Variants in EYA4 observed in about 807,000 individuals in gnomAD.
EYA4 encodes protein phosphatase EYA4.
In EYA4, 31 loss-of-function variants were observed where a neutral mutation model predicts 87.9. That is an observed-to-expected ratio of 0.35 (90% CI 0.27 to 0.48). The LOEUF (loss-of-function observed/expected upper bound fraction) is 0.48, where lower values mean the gene tolerates loss of function less well. Among genes scored for constraint, EYA4 ranks in the 20% least tolerant of loss-of-function variants. EYA4 has a pLI of 0.99. For synonymous variants in EYA4, 263 were observed against 270.6 expected (o/e 0.97, Z 0.28); for missense variants, 678 against 761.4 (o/e 0.89, Z 1.29).
intron 2 of EYA4, among the ~76,000 whole-genome samples, chr6:133,312,905 C>T (rs1780341292): frequency 1.3e-5 from 2 of 151,852 alleles, no homozygotes; most frequent in African/African-American, 2.4e-5. Context: ...CTTCCATTTC[C>T]CTGTAGCACT....
chr6:133,519,325 A>T (rs1799894204), intron 17 of EYA4, among the ~76,000 whole-genome samples: 1 of 152,094 alleles, frequency 6.6e-6, no homozygotes, highest in South Asian at 2.1e-4. Flanking sequence ...ATCACCACCA[A>T]TCCCACAGAA....
intron 3 of EYA4, 101 bp from the exon 4 acceptor site, chr6:133,446,529 T>G: frequency 7.4e-7 from 1 of 1,356,284 alleles, no homozygotes; most frequent in Non-Finnish European, 1.0e-6. Context: ...TGGTTTTAAT[T>G]ATTACTGTGA....
intron 16 of EYA4, among the ~76,000 whole-genome samples, chr6:133,513,985 C>T (rs1038251391): frequency 1.3e-5 from 2 of 151,950 alleles, no homozygotes; most frequent in African/African-American, 2.4e-5. Flanking sequence ...TATCCATATA[C>T]ATCATGAGGG....
At chr6:133,503,954 G>A (rs1798367147) in intron 13 of EYA4, among the ~76,000 whole-genome samples, 1 of 152,052 alleles carries the variant, frequency 6.6e-6, no homozygotes, top group South Asian at 2.1e-4. Flanking sequence ...GTTTCACTCT[G>A]TCACCCAAGC....
chr6:133,285,786 A>G (rs1261675582), intron 2 of EYA4, among the ~76,000 whole-genome samples: 1 of 152,194 alleles, frequency 6.6e-6, no homozygotes, highest in Non-Finnish European at 1.5e-5. Flanking sequence ...TTGCTAATGT[A>G]TGGGTTATGG....
In EYA4 at chr6:133,407,123, G is replaced by A. The variant is rs538065385; in HGVS notation, c.83+24682G>A. On this transcript the variant is annotated intron_variant, in intron 3 of 19. Coordinates refer to ENST00000355286, the MANE Select transcript of EYA4 (RefSeq NM_004100.5). ...AACTTTGAGATCAAGTTTTTAATTT[G>A]GGAAAGGTCTAATTAAACTCCTTAC... 4.6e-5 allele frequency among the ~76,000 whole-genome samples: 7 copies of A among 152,020 alleles called. No homozygotes were observed. In the South Asian group the frequency reaches 1.5e-3, roughly 32 times the overall value.
Position 133,464,854 on chromosome 6 carries a change from A to G in EYA4, c.800A>G (p.Gln267Arg), listed in dbSNP as rs200440640. 1 of 1,603,354 alleles carries G rather than the reference A, an allele frequency of 6.2e-7. No individual in the cohort carries two copies. Among genetic ancestry groups the G allele is most frequent in the African/African-American group, 1.3e-5 (1 of 74,792 alleles). ...VSNSTNFSGS[Q>R]QDYPSYTAFG... ...AATTCAACGAATTTCAGTGGTTCAC[A>G]ACAGGTATAGTAGCTTTTTGTGTTT... is the stretch of plus-strand genomic sequence containing the variant. The change falls in exon 10 of 20, where the codon CAA becomes CGA. Residue 267 changes from glutamine (Q) to arginine (R), a missense_variant. Physicochemically the swap from Gln to Arg is conservative, Grantham distance 43. Coordinates refer to ENST00000355286, the MANE Select transcript of EYA4 (RefSeq NM_004100.5).
At chr6:133,404,059 C>A (rs1660055741) in intron 3 of EYA4, among the ~76,000 whole-genome samples, 7 of 152,130 alleles carry the variant, frequency 4.6e-5, no homozygotes, top group Admixed American at 4.6e-4. Context: ...GGTGATCCAC[C>A]CGCCTCAGCC....
At chr6:133,375,570 A>T (rs1785613280) in intron 2 of EYA4, among the ~76,000 whole-genome samples, 2 of 151,910 alleles carry the variant, frequency 1.3e-5, no homozygotes, top group African/African-American at 4.8e-5. Context: ...TATGTATTAA[A>T]TGCTGCTAAC....
At chr6:133,323,183 T>C (rs1169087959) in intron 2 of EYA4, among the ~76,000 whole-genome samples, 3 of 152,064 alleles carry the variant, frequency 2.0e-5, no homozygotes, top group African/African-American at 7.2e-5. Flanking sequence ...CAAGCCAACA[T>C]AATTCTTGTT....
At chr6:133,320,329 G>C (rs1331719670) in intron 2 of EYA4, among the ~76,000 whole-genome samples, 1 of 151,826 alleles carries the variant, frequency 6.6e-6, no homozygotes, top group African/African-American at 2.4e-5. Flanking sequence ...AATTTAATCT[G>C]TATTTATATC....
At chr6:133,328,576 G>A (rs2128376020) in intron 2 of EYA4, among the ~76,000 whole-genome samples, 1 of 152,158 alleles carries the variant, frequency 6.6e-6, no homozygotes, top group East Asian at 1.9e-4. Context: ...ATGTAGAAGT[G>A]AAATCTATCT....
At chr6:133,251,465 G>A (rs1774895754) in intron 1 of EYA4, among the ~76,000 whole-genome samples, 1 of 152,162 alleles carries the variant, frequency 6.6e-6, no homozygotes, top group South Asian at 2.1e-4. Flanking sequence ...GCAGGATGGG[G>A]CTGAAGGAAA....
At chr6:133,255,428 A>G (rs369943976) in intron 1 of EYA4, among the ~76,000 whole-genome samples, 8 of 152,314 alleles carry the variant, frequency 5.3e-5, no homozygotes, top group Admixed American at 1.3e-4. Context: ...TTATTCAATA[A>G]AAATTCATCA....
chr6:133,309,797 A>G (rs760083912), intron 2 of EYA4, among the ~76,000 whole-genome samples: 82 of 152,106 alleles, frequency 5.4e-4, no homozygotes, highest in Non-Finnish European at 8.5e-4. Flanking sequence ...GCACAATTAA[A>G]CCCCATTGTA....
intron 3 of EYA4, among the ~76,000 whole-genome samples, chr6:133,430,640 T>A (rs1791100723): frequency 1.3e-5 from 2 of 152,116 alleles, no homozygotes; most frequent in South Asian, 4.1e-4. Context: ...TAAAAAACAA[T>A]AAAACTATGC....
intron 2 of EYA4, among the ~76,000 whole-genome samples, chr6:133,289,958 CTACT>C (rs1308477756): frequency 2.6e-5 from 4 of 152,148 alleles, no homozygotes; most frequent in African/African-American, 9.7e-5. Context: ...CAAACACTCC[CTACT>C]TACTTTGCTT....
At chr6:133,418,129 T>C (rs1431486454) in intron 3 of EYA4, among the ~76,000 whole-genome samples, 1 of 152,096 alleles carries the variant, frequency 6.6e-6, no homozygotes, top group Non-Finnish European at 1.5e-5. Context: ...TTGCCTGGGG[T>C]CTTTCTCGAG....
chr6:133,275,539 G>A (rs1048927610), intron 2 of EYA4, among the ~76,000 whole-genome samples: 2 of 147,614 alleles, frequency 1.4e-5, no homozygotes, highest in African/African-American at 5.3e-5. Flanking sequence ...GCAGTCTGAT[G>A]CTGTTCCTTT....
Sources: gnomAD v4.1 joint callset for allele counts (sites outside exome capture counted in the v4.1 genomes callset) on GRCh38, gnomAD v4.1.1 for gene constraint, MANE v1.5 for transcripts, NCBI Gene and HGNC (gene_info 2026-07-23, HGNC 2026-07-21) for gene names.